The following ARMC3 variants were observed in gnomAD, a reference collection of about 807,000 sequenced individuals.
The protein encoded by ARMC3 is armadillo repeat-containing protein 3.
ARMC3 carries 74 observed loss-of-function variants against 90.3 expected under a neutral mutation model. That is an observed-to-expected ratio of 0.82 (90% CI 0.68 to 0.99). The LOEUF (loss-of-function observed/expected upper bound fraction) is 0.99, where lower values mean the gene tolerates loss of function less well. Ranked by LOEUF, ARMC3 falls within the 50% of genes least tolerant of loss-of-function variation. The pLI is 0.00. For synonymous variants in ARMC3, 334 were observed against 361.8 expected, an observed-to-expected ratio of 0.92 and a Z score of 0.87; for missense variants, 958 against 1,042.8, an observed-to-expected ratio of 0.92 and a Z score of 1.12.
At chr10:23,033,424 T>C (rs948783467) in intron 18 of ARMC3, among the ~76,000 whole-genome samples, 9 of 152,184 alleles carry the variant, frequency 5.9e-5, no homozygotes, top group African/African-American at 1.9e-4. Context: ...AGAGCTGATA[T>C]ATAACCCAGG....
chr10:22,945,473 G>C (rs1227948124), intron 2 of ARMC3, among the ~76,000 whole-genome samples: 1 of 152,180 alleles, frequency 6.6e-6, no homozygotes, highest in Non-Finnish European at 1.5e-5. Context: ...TCAGGAAACA[G>C]GTCTTCTTAG....
Position 23,010,175 on chromosome 10 carries a change from T to C in ARMC3, c.2045+1244T>C, listed in dbSNP as rs190883118. On this transcript the variant is annotated intron_variant, in intron 16 of 18. Transcript: ENST00000298032. ...TTCCCTCCCTCCCCTTCTCTTCCCT[T>C]CTCTCCAGCTTCCCTCTCCTTCCCT... 3.0e-4 allele frequency among the ~76,000 whole-genome samples: 41 copies of C among 138,946 alleles called. 1 individual carries two copies. In the East Asian group the frequency reaches 9.4e-3, roughly 32 times the overall value. 91.2% of individuals were successfully genotyped at this position (138,946 alleles called of 152,430 possible). A position where few individuals can be genotyped will look rare whatever the true frequency, so the allele number is the denominator to read the frequency against.
intron 8 of ARMC3, among the ~76,000 whole-genome samples, chr10:22,980,735 CTTTA>C (rs1310105973): frequency 2.6e-5 from 4 of 152,028 alleles, no homozygotes; most frequent in Non-Finnish European, 4.4e-5. Flanking sequence ...TTAGACATAA[CTTTA>C]TTTAATTAAA....
chr10:22,942,989 G>A (rs918186217), intron 2 of ARMC3, among the ~76,000 whole-genome samples: 1 of 152,124 alleles, frequency 6.6e-6, no homozygotes, highest in African/African-American at 2.4e-5. Context: ...CTTATATGAA[G>A]TTCAAAAATG....
At chr10:23,000,758 G>A (rs1837244322) in intron 11 of ARMC3, among the ~76,000 whole-genome samples, 1 of 152,186 alleles carries the variant, frequency 6.6e-6, no homozygotes, top group East Asian at 1.9e-4. Context: ...GGGCCCCTGT[G>A]TTTGTGATGA....
intron 3 of ARMC3, among the ~76,000 whole-genome samples, chr10:22,951,120 G>C (rs924912858): frequency 6.6e-6 from 1 of 152,080 alleles, no homozygotes; most frequent in Non-Finnish European, 1.5e-5. Context: ...TGTATTTTTA[G>C]TAGAGACAGG....
At chr10:22,973,379 T>C (rs1399131837) in intron 8 of ARMC3, among the ~76,000 whole-genome samples, 1 of 150,564 alleles carries the variant, frequency 6.6e-6, no homozygotes, top group African/African-American at 2.4e-5. Context: ...AAACTTTGCT[T>C]TGGACTAGTA....
chr10:22,984,405 C>T (rs1836317347), intron 10 of ARMC3, among the ~76,000 whole-genome samples: 1 of 152,002 alleles, frequency 6.6e-6, no homozygotes, highest in Admixed American at 6.6e-5. Flanking sequence ...AAATAATCAA[C>T]ACAGGGAAGG....
At chr10:23,020,159 C>T (rs757401800) in intron 16 of ARMC3, among the ~76,000 whole-genome samples, 1 of 152,018 alleles carries the variant, frequency 6.6e-6, no homozygotes, top group Non-Finnish European at 1.5e-5. Flanking sequence ...GGCAGAGTCT[C>T]GCTCTGTTGC....
chr10:23,033,084 G>T, intron 18 of ARMC3, 61 bp downstream of exon 18: 1 of 1,518,046 alleles, frequency 6.6e-7, no homozygotes, highest in South Asian at 1.2e-5. Flanking sequence ...TTATCATACT[G>T]GAGTAGGCCA....
intron 7 of ARMC3, among the ~76,000 whole-genome samples, chr10:22,963,151 G>A (rs1397763965): frequency 6.6e-6 from 1 of 152,178 alleles, no homozygotes; most frequent in East Asian, 1.9e-4. Context: ...GGGGATGGAA[G>A]CACCTACTAG....
intron 7 of ARMC3, among the ~76,000 whole-genome samples, chr10:22,965,949 CAG>C (rs1442012689): frequency 1.3e-5 from 2 of 152,162 alleles, no homozygotes; most frequent in African/African-American, 4.8e-5. Flanking sequence ...CTGTCCCTAA[CAG>C]AGTAGATTTC....
At chr10:22,937,392 T>C (rs1834152510) in intron 2 of ARMC3, among the ~76,000 whole-genome samples, 1 of 152,132 alleles carries the variant, frequency 6.6e-6, no homozygotes, top group Admixed American at 6.6e-5. Context: ...ACTTATATAA[T>C]CAGCTTTAAA....
chr10:23,007,975 A>C (rs1314994759), intron 14 of ARMC3, among the ~76,000 whole-genome samples: 1 of 152,098 alleles, frequency 6.6e-6, no homozygotes, highest in Non-Finnish European at 1.5e-5. Context: ...ATGGTAGCAC[A>C]TGCCTGTAGT....
chr10:22,938,567 T>A (rs1805730693), intron 2 of ARMC3, among the ~76,000 whole-genome samples: 1 of 152,084 alleles, frequency 6.6e-6, no homozygotes, highest in Non-Finnish European at 1.5e-5. Context: ...GAAGTCACCG[T>A]GAAGAAGATG....
chr10:22,972,241 CAT>C (rs1349463200), intron 8 of ARMC3, among the ~76,000 whole-genome samples: 2 of 152,214 alleles, frequency 1.3e-5, no homozygotes, highest in Non-Finnish European at 2.9e-5. Context: ...CTGTTGGTGT[CAT>C]ATCCAATAAC....
chr10:22,943,183 G>A (rs1834386622), intron 2 of ARMC3, among the ~76,000 whole-genome samples: 1 of 152,082 alleles, frequency 6.6e-6, no homozygotes, highest in African/African-American at 2.4e-5. Context: ...CACAAACAGA[G>A]TCAATTTTGC....
At chr10:22,936,398 A>C (rs183018752) in intron 2 of ARMC3, among the ~76,000 whole-genome samples, 12 of 152,310 alleles carry the variant, frequency 7.9e-5, no homozygotes, top group Non-Finnish European at 1.3e-4. Flanking sequence ...GATAGCACAA[A>C]ATCAGAACGT....
At chr10:23,022,960 C>G (rs1838571665) in intron 16 of ARMC3, among the ~76,000 whole-genome samples, 2 of 152,044 alleles carry the variant, frequency 1.3e-5, no homozygotes, top group Admixed American at 6.6e-5. Flanking sequence ...GGGACCTAAG[C>G]ACAATAAGTA....
Sources: allele counts gnomAD v4.1 joint callset (sites outside exome capture counted in the v4.1 genomes callset), GRCh38; gene constraint gnomAD v4.1.1; transcripts MANE v1.5; gene names NCBI Gene and HGNC (gene_info 2026-07-23, HGNC 2026-07-21).